Variants in CCR3 observed in about 807,000 individuals in gnomAD.
CCR3 encodes the protein C-C motif chemokine receptor 3.
For missense variants in CCR3, 419 were observed against 437.5 expected, an observed-to-expected ratio of 0.96 and a Z score of 0.38; for synonymous variants, 203 against 179.2, an observed-to-expected ratio of 1.13 and a Z score of -1.06.
At chr3:46,213,077 T>G (rs1041126656) in intron 2 of CCR3, among the ~76,000 whole-genome samples, 4 of 152,268 alleles carry the variant, frequency 2.6e-5, no homozygotes, top group African/African-American at 9.6e-5. Context: ...AAATTACTCT[T>G]TAACAGTCTC....
At chr3:46,232,599 T>G (rs1487428026) in intron 2 of CCR3, among the ~76,000 whole-genome samples, 4 of 152,142 alleles carry the variant, frequency 2.6e-5, no homozygotes, top group African/African-American at 9.7e-5. Flanking sequence ...GGTCTTAGGC[T>G]TTCTGGAGTG....
At chr3:46,218,467 A>T (rs35335084) in intron 2 of CCR3, among the ~76,000 whole-genome samples, 10,424 of 152,180 alleles carry the variant, frequency 0.068, 586 homozygotes, top group South Asian at 0.27. Context: ...TCCCTAAATC[A>T]TTCTATGAAG....
At chr3:46,243,451 AAATC>A (rs1312781215) in intron 1 of CCR3, among the ~76,000 whole-genome samples, 2 of 152,176 alleles carry the variant, frequency 1.3e-5, no homozygotes, top group South Asian at 2.1e-4. Flanking sequence ...AATCCACACT[AAATC>A]AAGCTACTAG....
chr3:46,261,348 C>A (rs1210734777), intron 1 of CCR3, among the ~76,000 whole-genome samples: 1 of 152,046 alleles, frequency 6.6e-6, no homozygotes, highest in African/African-American at 2.4e-5. Flanking sequence ...GTGTCTCTAG[C>A]ACAGAAATAA....
At chr3:46,229,657 A>G (rs1270841089) in intron 2 of CCR3, among the ~76,000 whole-genome samples, 2 of 152,196 alleles carry the variant, frequency 1.3e-5, no homozygotes, top group African/African-American at 2.4e-5. Flanking sequence ...GTTATTTAAC[A>G]GATGTGTACA....
Position 46,265,318 on chromosome 3 carries a change from G to A in CCR3, c.160G>A (p.Val54Met), listed in dbSNP as rs773639079. ...CACTGTGGGCCTCTTGGGCAATGTG[G>A]TGGTGGTGATGATCCTCATAAAATA... Reference protein sequence around the residue: ...VFTVGLLGNVVVVMILIKYRR... With the variant: ...VFTVGLLGNVMVVMILIKYRR... Residue 54 changes from valine to methionine, a missense_variant, in exon 2 of 2, where the codon GTG (valine) becomes ATG (methionine). Transcript: ENST00000395940. 1.2e-6 allele frequency: 2 copies of A among 1,614,084 alleles called. No individual in the cohort carries two copies. Among genetic ancestry groups the A allele is most frequent in the Admixed American group, 1.7e-5 (1 of 60,016 alleles).
chr3:46,252,464 C>T (rs1431894199), intron 1 of CCR3, among the ~76,000 whole-genome samples: 1 of 152,102 alleles, frequency 6.6e-6, no homozygotes, highest in East Asian at 1.9e-4. Context: ...TAGGCATGAG[C>T]CACAGCACCC....
At chr3:46,224,289 C>G (rs1699868510) in intron 2 of CCR3, among the ~76,000 whole-genome samples, 1 of 152,056 alleles carries the variant, frequency 6.6e-6, no homozygotes, top group South Asian at 2.1e-4. Context: ...AAACGCAAAA[C>G]AACATCAACA....
At chr3:46,257,765 G>T (rs563463165) in intron 1 of CCR3, among the ~76,000 whole-genome samples, 4 of 152,274 alleles carry the variant, frequency 2.6e-5, no homozygotes, top group Admixed American at 2.6e-4. Flanking sequence ...AATTAAGGCG[G>T]CTAAGAAGTC....
chr3:46,237,715 T>C (rs2125926103), upstream of CCR3, among the ~76,000 whole-genome samples: 1 of 152,318 alleles, frequency 6.6e-6, no homozygotes, highest in Middle Eastern at 3.4e-3. Flanking sequence ...TTTGGCACCT[T>C]TGTTGAAAAT....
intron 1 of CCR3, among the ~76,000 whole-genome samples, chr3:46,252,169 C>CTTTTTTT (rs58623050): frequency 6.9e-5 from 6 of 86,844 alleles, no homozygotes; most frequent in Admixed American, 1.6e-4. Flanking sequence ...TAGTTTCTGT[C>CTTTTTTT]TTTTTTTTTT....
At chr3:46,243,743 A>G (rs1282278432) in intron 1 of CCR3, among the ~76,000 whole-genome samples, 1 of 152,198 alleles carries the variant, frequency 6.6e-6, no homozygotes, top group Non-Finnish European at 1.5e-5. Context: ...CTCTTCTGGG[A>G]GAAGAAATAT....
At chr3:46,247,597 T>C (rs1236497067) in intron 1 of CCR3, among the ~76,000 whole-genome samples, 1 of 152,162 alleles carries the variant, frequency 6.6e-6, no homozygotes, top group Non-Finnish European at 1.5e-5. Flanking sequence ...ACTGCTTGGC[T>C]GATTTGACTA....
upstream of CCR3, among the ~76,000 whole-genome samples, chr3:46,240,799 C>T (rs1011171459): frequency 3.9e-5 from 6 of 152,238 alleles, no homozygotes; most frequent in South Asian, 2.1e-4. Flanking sequence ...CAGTAGAGCA[C>T]GCTGAGGCAC....
intron 1 of CCR3, among the ~76,000 whole-genome samples, chr3:46,243,464 A>G (rs1700133933): frequency 6.6e-6 from 1 of 152,186 alleles, no homozygotes; most frequent in Non-Finnish European, 1.5e-5. Flanking sequence ...TCAAGCTACT[A>G]GATGAGTCAG....
At chr3:46,226,947 C>T (rs1699906561) in intron 2 of CCR3, among the ~76,000 whole-genome samples, 1 of 152,036 alleles carries the variant, frequency 6.6e-6, no homozygotes, top group South Asian at 2.1e-4. Context: ...TCTCGGCTCA[C>T]TGCAACCTCT....
intron 2 of CCR3, among the ~76,000 whole-genome samples, chr3:46,230,379 C>A (rs1430001308): frequency 6.6e-6 from 1 of 152,028 alleles, no homozygotes; most frequent in Non-Finnish European, 1.5e-5. Flanking sequence ...CTGGAGTGAA[C>A]AGAAATACTC....
intron 1 of CCR3, among the ~76,000 whole-genome samples, chr3:46,260,848 T>C (rs1307435691): frequency 6.6e-6 from 1 of 152,178 alleles, no homozygotes; most frequent in African/African-American, 2.4e-5. Flanking sequence ...AGACTAATAA[T>C]CCAAGAAAAC....
chr3:46,229,543 G>A (rs1167626520), intron 2 of CCR3, among the ~76,000 whole-genome samples: 1 of 152,114 alleles, frequency 6.6e-6, no homozygotes, highest in Non-Finnish European at 1.5e-5. Context: ...GGAAAGCCAT[G>A]GTTGTCTGGA....
Sources: allele counts gnomAD v4.1 joint callset (sites outside exome capture counted in the v4.1 genomes callset), GRCh38; gene constraint gnomAD v4.1.1; transcripts MANE v1.5; gene names NCBI Gene and HGNC (gene_info 2026-07-23, HGNC 2026-07-21).